PEBP4: variants seen among roughly 807,000 people sequenced by gnomAD.
PEBP4 encodes the protein phosphatidylethanolamine-binding protein 4.
In PEBP4, 22 loss-of-function variants were observed where a neutral mutation model predicts 23.9. That is an observed-to-expected ratio of 0.92 (90% CI 0.66 to 1.31). PEBP4 has a LOEUF of 1.31. PEBP4 is among the 40% of genes most tolerant of loss of function. The pLI is 0.00. For synonymous variants in PEBP4, 112 were observed against 99.3 expected (o/e 1.13, Z -0.76); for missense variants, 324 against 281.7 (o/e 1.15, Z -1.07).
At chr8:22,837,729 A>G (rs564530475) in intron 3 of PEBP4, among the ~76,000 whole-genome samples, 4 of 152,102 alleles carry the variant, frequency 2.6e-5, no homozygotes, top group East Asian at 1.9e-4. Context: ...CATCTCATCT[A>G]TGAATACTTC....
At chr8:22,920,142 C>A (rs1245818773) in intron 3 of PEBP4, 42 bp downstream of exon 3, 1 of 1,586,390 alleles carries the variant, frequency 6.3e-7, no homozygotes. Flanking sequence ...ACATCAAGAC[C>A]CCCAACTGTC....
chr8:22,894,065 G>C (rs1808547257), intron 3 of PEBP4, among the ~76,000 whole-genome samples: 1 of 152,194 alleles, frequency 6.6e-6, no homozygotes, highest in Non-Finnish European at 1.5e-5. Flanking sequence ...ATTAGCAAAT[G>C]TGTCACTGGC....
At chr8:22,766,364 C>G (rs1224260464) in intron 4 of PEBP4, among the ~76,000 whole-genome samples, 1 of 152,254 alleles carries the variant, frequency 6.6e-6, no homozygotes, top group Non-Finnish European at 1.5e-5. Context: ...CCTCTGACCT[C>G]ACGGAGCTGG....
intron 4 of PEBP4, among the ~76,000 whole-genome samples, chr8:22,763,831 C>T (rs1192304756): frequency 6.6e-6 from 1 of 152,202 alleles, no homozygotes; most frequent in Non-Finnish European, 1.5e-5. Flanking sequence ...TTTTCTCCTA[C>T]ATGACTGCTT....
At chr8:22,763,571 C>T (rs1172087684) in intron 4 of PEBP4, among the ~76,000 whole-genome samples, 5 of 152,176 alleles carry the variant, frequency 3.3e-5, no homozygotes. Flanking sequence ...TCTGTTTCCC[C>T]CATATCTACA....
At chr8:22,843,174 G>A (rs552104556) in intron 3 of PEBP4, among the ~76,000 whole-genome samples, 1 of 152,266 alleles carries the variant, frequency 6.6e-6, no homozygotes, top group African/African-American at 2.4e-5. Context: ...GTTTTGGCCA[G>A]GCTGGTCTTG....
At chr8:22,770,017 G>A (rs1195846827) in intron 4 of PEBP4, among the ~76,000 whole-genome samples, 1 of 152,012 alleles carries the variant, frequency 6.6e-6, no homozygotes, top group Non-Finnish European at 1.5e-5. Context: ...CCACCCCGCC[G>A]CCTATGCCAC....
At chr8:22,933,830 G>A (rs1342728485) in intron 1 of PEBP4, among the ~76,000 whole-genome samples, 2 of 152,202 alleles carry the variant, frequency 1.3e-5, no homozygotes, top group Non-Finnish European at 2.9e-5. Flanking sequence ...GGATGTCTTA[G>A]TCCATTTAGT....
chr8:22,821,522 G>A (rs1806856241), intron 3 of PEBP4, among the ~76,000 whole-genome samples: 1 of 152,178 alleles, frequency 6.6e-6, no homozygotes, highest in African/African-American at 2.4e-5. Context: ...TGAGTTTGGT[G>A]TTGAAATCAA....
chr8:22,746,628 CCT>C (rs1017210396), intron 4 of PEBP4, among the ~76,000 whole-genome samples: 3 of 151,810 alleles, frequency 2.0e-5, no homozygotes, highest in African/African-American at 4.8e-5. Context: ...TCTTCTCCCT[CCT>C]CTCTCTCCTC....
intron 4 of PEBP4, among the ~76,000 whole-genome samples, chr8:22,795,337 G>A (rs11135678): frequency 0.22 from 32,429 of 150,786 alleles, 4,466 homozygotes; most frequent in Middle Eastern, 0.37. Context: ...CACCACTCCG[G>A]GCTAATTTTT....
chr8:22,795,937 G>C (rs1806250510), intron 4 of PEBP4, among the ~76,000 whole-genome samples: 1 of 152,192 alleles, frequency 6.6e-6, no homozygotes, highest in African/African-American at 2.4e-5. Context: ...TAGGAGGTGT[G>C]TTTGTATGCC....
intron 4 of PEBP4, among the ~76,000 whole-genome samples, chr8:22,728,889 C>A (rs902289011): frequency 6.6e-6 from 1 of 152,176 alleles, no homozygotes; most frequent in Admixed American, 6.5e-5. Context: ...TGAGCCACTG[C>A]GCCCAGCTGA....
At chr8:22,925,366 G>T (rs1192281895) in intron 2 of PEBP4, 1 of 973,702 alleles carries the variant, frequency 1.0e-6, no homozygotes, top group African/African-American at 1.8e-5. Context: ...AGCAGATAGG[G>T]AAAGAGCGTG....
intron 3 of PEBP4, among the ~76,000 whole-genome samples, chr8:22,883,093 A>G (rs561150663): frequency 9.9e-5 from 15 of 152,274 alleles, no homozygotes; most frequent in African/African-American, 3.6e-4. Context: ...CTGTGTCTGC[A>G]TGTCTTCCCA....
At chr8:22,901,426 A>C (rs1160075502) in intron 3 of PEBP4, among the ~76,000 whole-genome samples, 1 of 152,116 alleles carries the variant, frequency 6.6e-6, no homozygotes, top group Non-Finnish European at 1.5e-5. Flanking sequence ...GCCCTCTTGG[A>C]ACTACCTAGG....
chr8:22,841,382 G>A (rs1284436149), intron 3 of PEBP4, among the ~76,000 whole-genome samples: 1 of 152,234 alleles, frequency 6.6e-6, no homozygotes, highest in East Asian at 1.9e-4. Flanking sequence ...TTTTTCAAAA[G>A]CTTTTGACAA....
chr8:22,931,440 A>G (rs970811949), upstream of PEBP4, among the ~76,000 whole-genome samples: 10 of 152,042 alleles, frequency 6.6e-5, no homozygotes, highest in African/African-American at 1.9e-4. Context: ...TTCCGTCTCT[A>G]TGAATTTGCC....
At chr8:22,776,004 A>C (rs1428874949) in intron 4 of PEBP4, among the ~76,000 whole-genome samples, 2 of 152,096 alleles carry the variant, frequency 1.3e-5, no homozygotes, top group African/African-American at 4.8e-5. Context: ...GTCTGTGTGC[A>C]CCAGAGAGGC....
Sources: allele counts gnomAD v4.1 joint callset (sites outside exome capture counted in the v4.1 genomes callset), GRCh38; gene constraint gnomAD v4.1.1; transcripts MANE v1.5; gene names NCBI Gene and HGNC (gene_info 2026-07-23, HGNC 2026-07-21).